Variants in ZIC4 observed in about 807,000 individuals in gnomAD.
The protein encoded by ZIC4 is Zic family zinc finger 4.
A neutral mutation model predicts 28.8 loss-of-function variants in ZIC4; 15 were observed. The ratio of observed to expected loss-of-function variants is 0.52; its 90% CI spans 0.35 to 0.80. ZIC4 has a LOEUF of 0.80. Among genes scored for constraint, ZIC4 ranks in the 30% least tolerant of loss-of-function variants. ZIC4 has a pLI of 0.01. For missense variants in ZIC4, 512 were observed against 467.1 expected, an observed-to-expected ratio of 1.10 and a Z score of -0.89; for synonymous variants, 220 against 198.1, an observed-to-expected ratio of 1.11 and a Z score of -0.93.
intron 1 of ZIC4, chr3:147,403,933 C>T: frequency 6.5e-7 from 1 of 1,528,388 alleles, no homozygotes; most frequent in Admixed American, 2.0e-5. Context: ...TTTTCTAGGT[C>T]CAGGCCTAGG....
chr3:147,402,956 G>T, intron 1 of ZIC4, 144 bp from the exon 2 acceptor site: 1 of 623,338 alleles, frequency 1.6e-6, no homozygotes, highest in Non-Finnish European at 2.6e-6. Flanking sequence ...TTCAAATTTT[G>T]AAGCTAAAGA....
chr3:147,399,480 G>C (rs935893952), intron 2 of ZIC4, among the ~76,000 whole-genome samples: 2 of 152,080 alleles, frequency 1.3e-5, no homozygotes, highest in Admixed American at 6.5e-5. Context: ...TTTACTATCC[G>C]CATCTTAACA....
At chr3:147,398,117 C>T (rs1419681647) in intron 2 of ZIC4, among the ~76,000 whole-genome samples, 1 of 152,194 alleles carries the variant, frequency 6.6e-6, no homozygotes, top group Non-Finnish European at 1.5e-5. Context: ...CGCAGGCCTG[C>T]TGGCCAAAGA....
intron 2 of ZIC4, among the ~76,000 whole-genome samples, chr3:147,401,893 T>C (rs537794132): frequency 7.9e-5 from 12 of 152,286 alleles, no homozygotes; most frequent in African/African-American, 2.9e-4. Flanking sequence ...TCCAAAACAG[T>C]ATTAAAGAAT....
Position 147,404,763 on chromosome 3 carries a change from A to G in ZIC4, c.-16+1600T>C, listed in dbSNP as rs1481975134. ...GAAGGTGGGACAGTGGGTAGGTGCA[A>G]AAAGCACCATTTTTATTTGGGGGAG... On this transcript the variant is annotated intron_variant, in intron 1 of 4. Coordinates refer to ENST00000383075, the MANE Select transcript of ZIC4 (RefSeq NM_032153.6). 2.0e-5 allele frequency among the ~76,000 whole-genome samples: 3 copies of G among 152,188 alleles called. No homozygotes were observed. In the East Asian group the frequency reaches 5.8e-4, roughly 29 times the overall value.
At position 147,396,584 on chromosome 3, in the gene ZIC4, T is replaced by C; in HGVS notation, c.71-115A>G. On this transcript the variant is annotated intron_variant, in intron 2 of 4. Transcript: ENST00000383075. The surrounding 1 kb of genome is among the most constrained non-coding windows in gnomAD (Gnocchi z 4.2). ...GCACTACGGCCTCTGCAGTCAGCCG[T>C]GGAACTCAGAGCCAGACAGCGCCAG... The C allele has an allele frequency of 7.6e-7, 1 of 1,323,746 alleles. No homozygotes were observed. Among genetic ancestry groups the C allele is most frequent in the South Asian group, 1.8e-5 (1 of 55,822 alleles). The allele number at this position is 1,323,746 out of a possible 1,614,324, so 82.0% of individuals were successfully genotyped here.
In ZIC4 at chr3:147,402,749, G is replaced by C. The variant is rs190583246; in HGVS notation, c.49C>G (p.Arg17Gly). Residue 17 changes from arginine (R) to glycine (G), a missense_variant, in exon 2 of 5, where the codon CGA becomes GGA. Physicochemically the swap from Arg to Gly is moderately radical, Grantham distance 125. Around this residue, in one of 3 missense-constraint regions of ZIC4, gnomAD observed 310 missense variants for 256.5 expected, o/e 1.21. Coordinates refer to ENST00000383075, the MANE Select transcript of ZIC4 (RefSeq NM_032153.6). ...TTACTTGACTCTTTAAGAGTGTTTC[G>C]GTAAAGCCGTAATCGTTTCCTCATC... The part of the protein sequence containing the change: ...LVMRKRLRLY[R>G]NTLKESSSSS... The C allele has an allele frequency of 4.3e-6, 7 of 1,613,266 alleles. No individual in the cohort carries two copies. In the South Asian group the frequency reaches 6.6e-5, roughly 15 times the overall value.
In ZIC4 at chr3:147,387,349, G is replaced by A. The variant is rs1019340282; in HGVS notation, c.*1510C>T. The A allele has an allele frequency of 1.3e-5, 2 of 152,638 alleles. No individual in the cohort carries two copies. Among genetic ancestry groups the A allele is most frequent in the Non-Finnish European group, 2.9e-5 (2 of 68,038 alleles). 9.5% of individuals were successfully genotyped at this position (152,638 alleles called of 1,614,324 possible). ...GTTTGAAACTAACGGGGCAGAGGGA[G>A]TTTGACAGAGAGGAGAACAAATCGC... is the stretch of plus-strand genomic sequence containing the variant. On this transcript the variant is annotated 3_prime_UTR_variant, in exon 5 of 5. Coordinates refer to ENST00000383075, the MANE Select transcript of ZIC4 (RefSeq NM_032153.6).
intron 1 of ZIC4, chr3:147,405,611 G>A (rs993073475): frequency 2.3e-6 from 2 of 871,794 alleles, no homozygotes; most frequent in African/African-American, 1.7e-5. Context: ...GCTGCGGCCT[G>A]CTCCCCAGAG....
intron 2 of ZIC4, among the ~76,000 whole-genome samples, chr3:147,399,328 T>A (rs1212742454): frequency 6.6e-6 from 1 of 152,250 alleles, no homozygotes; most frequent in Admixed American, 6.5e-5. Flanking sequence ...GGTTTACACA[T>A]CTCAATGAGT....
chr3:147,388,927 T>G, intron 4 of ZIC4, 68 bp from the exon 5 acceptor site: 1 of 770,884 alleles, frequency 1.3e-6, no homozygotes, highest in South Asian at 1.4e-5. Flanking sequence ...TATTTCATTA[T>G]TTTAGATTGA....
At chr3:147,393,598 C>T (rs1006054096) in intron 3 of ZIC4, 1 of 282,148 alleles carries the variant, frequency 3.5e-6, no homozygotes, top group South Asian at 3.1e-5. Context: ...GAGCCGGGTC[C>T]GCCGAACAAA....
At position 147,403,950 on chromosome 3, in the gene ZIC4, G is replaced by A. The variant is rs1046688034; in HGVS notation, c.-15-1138C>T. 7.0e-5 allele frequency: 107 copies of A among 1,535,318 alleles called. No homozygotes were observed. Among genetic ancestry groups the A allele is most frequent in the Non-Finnish European group, 8.7e-5 (100 of 1,146,028 alleles). On this transcript the variant is annotated intron_variant, in intron 1 of 4. Coordinates refer to ENST00000383075, the MANE Select transcript of ZIC4 (RefSeq NM_032153.6). ...TTCTAGGTCCAGGCCTAGGAGGCAGGGGGGTAGACTCACCTTTTCCCAGAG... is the reference window on the plus strand; with the variant it reads ...TTCTAGGTCCAGGCCTAGGAGGCAGAGGGGTAGACTCACCTTTTCCCAGAG...
At chr3:147,405,435 C>T (rs760923669) in intron 1 of ZIC4, 17 of 1,537,230 alleles carry the variant, frequency 1.1e-5, no homozygotes, top group African/African-American at 1.4e-5. Flanking sequence ...TCCAAAAGCC[C>T]CTCCGCTTTC....
chr3:147,403,950 G>T (rs1046688034), intron 1 of ZIC4: 3 of 1,535,436 alleles, frequency 2.0e-6, no homozygotes, highest in East Asian at 2.4e-5. Flanking sequence ...TAGGAGGCAG[G>T]GGGGTAGACT....
chr3:147,394,088 C>A (rs2086985639), intron 3 of ZIC4: 1 of 395,632 alleles, frequency 2.5e-6, no homozygotes, highest in African/African-American at 2.1e-5. Context: ...GTAGTGAGGT[C>A]TATTGCCATT....
At position 147,396,588 on chromosome 3, in the gene ZIC4, A is replaced by C; in HGVS notation, c.71-119T>G. On this transcript the variant is annotated intron_variant, in intron 2 of 4. Transcript: ENST00000383075. The surrounding 1 kb of genome is among the most constrained non-coding windows in gnomAD (Gnocchi z 4.2). Reference sequence around the variant, plus strand: ...TACGGCCTCTGCAGTCAGCCGTGGAACTCAGAGCCAGACAGCGCCAGCAGT... The same window carrying C: ...TACGGCCTCTGCAGTCAGCCGTGGACCTCAGAGCCAGACAGCGCCAGCAGT... 1 of 1,287,048 alleles carries C rather than the reference A, an allele frequency of 7.8e-7. No homozygotes were observed. The highest frequency in any genetic ancestry group is 1.0e-6 in the Non-Finnish European group (1 of 983,984). The allele number at this position is 1,287,048 out of a possible 1,614,324, so 79.7% of individuals were successfully genotyped here. A position where few individuals can be genotyped will look rare whatever the true frequency, so the allele number is the denominator to read the frequency against.
chr3:147,396,349 C>T lies in ZIC4; in HGVS notation c.191G>A (p.Arg64His). The stretch of plus-strand genomic sequence containing the variant: ...GTACATGTCTCCAGGGAGCCCCAGA[C>T]GCAGGAGTCCATTCAAAGGACGGCT... The part of the protein sequence containing the change: ...SPSRPLNGLL[R>H]LGLPGDMYAR... The change falls in exon 3 of 5, where the codon CGT becomes CAT. Residue 64 changes from arginine (R) to histidine (H), a missense_variant. Arg to His is a conservative substitution (Grantham distance 29). Transcript: ENST00000383075. This position sits in a 1 kb window ranked among gnomAD's most constrained non-coding sequence, Gnocchi z 4.2. The T allele has an allele frequency of 6.4e-7, 1 of 1,563,212 alleles. No homozygotes were observed.
chr3:147,390,646 G>A (rs2086892293), intron 4 of ZIC4, among the ~76,000 whole-genome samples: 1 of 152,138 alleles, frequency 6.6e-6, no homozygotes, highest in South Asian at 2.1e-4. Context: ...AGAATAAATA[G>A]GGGGACCATA....
Sources: allele counts gnomAD v4.1 joint callset (sites outside exome capture counted in the v4.1 genomes callset), GRCh38; gene constraint gnomAD v4.1.1; regional missense constraint gnomAD v4.1.1; non-coding constraint Gnocchi (gnomAD v3.1); transcripts MANE v1.5; gene names NCBI Gene and HGNC (gene_info 2026-07-23, HGNC 2026-07-21).